Variants in MLLT3 observed in about 807,000 individuals in gnomAD.
The protein encoded by MLLT3 is protein AF-9.
A neutral mutation model predicts 53.2 loss-of-function variants in MLLT3; 4 were observed. That is an observed-to-expected ratio of 0.08 (90% CI 0.04 to 0.17). The LOEUF (loss-of-function observed/expected upper bound fraction) is 0.17. Among genes scored for constraint, MLLT3 ranks in the 10% least tolerant of loss-of-function variants. The pLI is 1.00. For synonymous variants in MLLT3, 283 were observed against 230.6 expected (o/e 1.23, Z -2.06); for missense variants, 569 against 684.0 (o/e 0.83, Z 1.87).
chr9:20,567,331 CAA>C (rs963623771), intron 2 of MLLT3, among the ~76,000 whole-genome samples: 4 of 105,310 alleles, frequency 3.8e-5, no homozygotes, highest in Non-Finnish European at 6.0e-5. Context: ...AAAAAAAACA[CAA>C]ACGATTTAAC....
intron 2 of MLLT3, among the ~76,000 whole-genome samples, chr9:20,501,039 T>A (rs1825210511): frequency 6.6e-6 from 1 of 152,176 alleles, no homozygotes; most frequent in South Asian, 2.1e-4. Flanking sequence ...CACACACATG[T>A]GCACCACTTT....
Position 20,347,263 on chromosome 9 carries a change from A to G in MLLT3, c.1576-689T>C, listed in dbSNP as rs985865162. Among the ~76,000 whole-genome samples the G allele has an allele frequency of 7.2e-5, 11 of 152,234 alleles. 1 individual carries two copies. Among genetic ancestry groups the G allele is most frequent in the Admixed American group, 6.5e-4 (10 of 15,288 alleles). Reference sequence around the variant, plus strand: ...AATGTATCTACCTGAATGCTTTGTTATACTTTAACATAAAAATAAAAACAT... The same window carrying G: ...AATGTATCTACCTGAATGCTTTGTTGTACTTTAACATAAAAATAAAAACAT... On this transcript the variant is annotated intron_variant, in intron 10 of 10. Transcript: ENST00000380338.
intron 2 of MLLT3, among the ~76,000 whole-genome samples, chr9:20,606,081 T>G (rs574757826): frequency 1.3e-5 from 2 of 152,268 alleles, no homozygotes; most frequent in East Asian, 3.9e-4. Context: ...TGCAAGTAAT[T>G]AATGACGAGA....
intron 2 of MLLT3, among the ~76,000 whole-genome samples, chr9:20,460,879 A>C (rs1361268207): frequency 6.6e-6 from 1 of 152,226 alleles, no homozygotes. Context: ...AAGTGTTGCC[A>C]CAGAGGAAAT....
intron 5 of MLLT3, among the ~76,000 whole-genome samples, chr9:20,402,278 G>A (rs1188270606): frequency 1.3e-5 from 2 of 152,156 alleles, no homozygotes; most frequent in African/African-American, 4.8e-5. Context: ...AAGAGCAAAA[G>A]CCAGACCACA....
chr9:20,500,518 A>C (rs572144887), intron 2 of MLLT3, among the ~76,000 whole-genome samples: 12 of 152,250 alleles, frequency 7.9e-5, no homozygotes, highest in Admixed American at 3.9e-4. Flanking sequence ...AACTGTGAGA[A>C]GAGCATGTGG....
intron 5 of MLLT3, among the ~76,000 whole-genome samples, chr9:20,396,869 C>G (rs992358132): frequency 2.0e-5 from 3 of 152,052 alleles, no homozygotes; most frequent in Non-Finnish European, 4.4e-5. Context: ...AAAAAAGAAC[C>G]ACAATCCAAG....
At chr9:20,560,492 A>G (rs1011204907) in intron 2 of MLLT3, among the ~76,000 whole-genome samples, 3 of 152,334 alleles carry the variant, frequency 2.0e-5, no homozygotes, top group African/African-American at 4.8e-5. Context: ...AAAACAAGAC[A>G]AACAGTTCCT....
chr9:20,413,884 G>T lies in MLLT3; in HGVS notation c.962C>A (p.Ser321Tyr). ...ATCTTTTATCTGTTTTTTGTCAGCA[G>T]AACAAGTGAGTATCAGTGGTGGTGC... The part of the protein sequence containing the change: ...SSAPPLILTC[S>Y]ADKKQIKDKS... The change falls in exon 5 of 11, where the codon TCT (serine) becomes TAT (tyrosine). Residue 321 changes from serine to tyrosine, a missense_variant. Physicochemically the swap from Ser to Tyr is moderately radical, Grantham distance 144. This residue lies in a region of MLLT3 where 437 missense variants were observed against 376.5 expected (regional missense o/e 1.16). Transcript: ENST00000380338. 1 of 1,614,034 alleles carries T rather than the reference G, an allele frequency of 6.2e-7. No individual in the cohort carries two copies. Among genetic ancestry groups the T allele is most frequent in the Non-Finnish European group, 8.5e-7 (1 of 1,179,990 alleles).
chr9:20,493,800 T>C (rs1187141150), intron 2 of MLLT3, among the ~76,000 whole-genome samples: 2 of 152,196 alleles, frequency 1.3e-5, no homozygotes, highest in Non-Finnish European at 2.9e-5. Flanking sequence ...GTTAAGTTTT[T>C]CACATTATTG....
At chr9:20,591,048 C>A (rs1357280778) in intron 2 of MLLT3, among the ~76,000 whole-genome samples, 3 of 152,178 alleles carry the variant, frequency 2.0e-5, no homozygotes, top group Non-Finnish European at 4.4e-5. Context: ...CTGTACCTAG[C>A]CTTGACAGTT....
intron 2 of MLLT3, among the ~76,000 whole-genome samples, chr9:20,532,393 C>T (rs1285617718): frequency 2.0e-5 from 3 of 152,100 alleles, no homozygotes; most frequent in Non-Finnish European, 2.9e-5. Flanking sequence ...GTAAAAGACA[C>T]CAAAATGTAA....
At chr9:20,565,669 T>C (rs1819335656) in intron 2 of MLLT3, among the ~76,000 whole-genome samples, 1 of 151,640 alleles carries the variant, frequency 6.6e-6, no homozygotes, top group Non-Finnish European at 1.5e-5. Flanking sequence ...TTCAAAAATA[T>C]TAAATATATT....
chr9:20,495,388 G>A (rs1266633755), intron 2 of MLLT3, among the ~76,000 whole-genome samples: 1 of 152,172 alleles, frequency 6.6e-6, no homozygotes, highest in Non-Finnish European at 1.5e-5. Context: ...TAAAGTTTGA[G>A]AAGCACTAGT....
chr9:20,442,230 T>C (rs1017538764), intron 4 of MLLT3, among the ~76,000 whole-genome samples: 1 of 152,114 alleles, frequency 6.6e-6, no homozygotes, highest in African/African-American at 2.4e-5. Context: ...TAATAAATCA[T>C]CCTGTGGAGA....
rs192959737 is a variant in MLLT3, at chr9:20,443,803, C to T, written c.420+4320G>A. ...CTATGTGCCATACACCATGGTTACA[C>T]GTTCCCTATGAGGAAAACACTGCCA... is the stretch of plus-strand genomic sequence containing the variant. On this transcript the variant is annotated intron_variant, in intron 4 of 10. Coordinates refer to ENST00000380338, the MANE Select transcript of MLLT3 (RefSeq NM_004529.4). Among the ~76,000 whole-genome samples the T allele has an allele frequency of 6.0e-4, 92 of 152,288 alleles. No individual in the cohort carries two copies. In the Middle Eastern group the frequency reaches 0.014, roughly 23 times the overall value.
intron 4 of MLLT3, among the ~76,000 whole-genome samples, chr9:20,442,929 G>T (rs1823591110): frequency 6.6e-6 from 1 of 152,150 alleles, no homozygotes; most frequent in Non-Finnish European, 1.5e-5. Flanking sequence ...ATGTCCTACT[G>T]AAACAGGTGG....
Position 20,621,100 on chromosome 9 carries a change from G to A in MLLT3, c.13-266C>T. On this transcript the variant is annotated intron_variant, in intron 1 of 10. Coordinates refer to ENST00000380338, the MANE Select transcript of MLLT3 (RefSeq NM_004529.4). This position sits in a 1 kb window ranked among gnomAD's most constrained non-coding sequence, Gnocchi z 7.0. ...TGTAACGGAATGTTATCCCCAGTCG[G>A]GAAGGGGGTCGGGGAAAAGAGGGAG... The A allele has an allele frequency of 1.7e-6, 1 of 594,170 alleles. No individual in the cohort carries two copies. The highest frequency in any genetic ancestry group is 3.0e-6 in the Non-Finnish European group (1 of 328,960). 36.8% of individuals were successfully genotyped at this position (594,170 alleles called of 1,614,324 possible).
intron 2 of MLLT3, among the ~76,000 whole-genome samples, chr9:20,586,806 G>C (rs888073150): frequency 3.9e-5 from 6 of 152,154 alleles, no homozygotes; most frequent in Non-Finnish European, 8.8e-5. Flanking sequence ...GGAGCCAGCA[G>C]AGGGGAGCAA....
Sources: allele counts gnomAD v4.1 joint callset (sites outside exome capture counted in the v4.1 genomes callset), GRCh38; gene constraint gnomAD v4.1.1; regional missense constraint gnomAD v4.1.1; non-coding constraint Gnocchi (gnomAD v3.1); transcripts MANE v1.5; gene names NCBI Gene and HGNC (gene_info 2026-07-23, HGNC 2026-07-21).